KLF9: variants seen among roughly 807,000 people sequenced by gnomAD.
The protein encoded by KLF9 is KLF transcription factor 9.
KLF9 carries 2 observed loss-of-function variants against 17.3 expected under a neutral mutation model. The ratio of observed to expected loss-of-function variants is 0.12; its 90% CI spans 0.05 to 0.36. KLF9 has a LOEUF of 0.36. Ranked by LOEUF, KLF9 falls within the 10% of genes least tolerant of loss-of-function variation. The pLI, the probability that KLF9 is intolerant of heterozygous loss-of-function variation, is 1.00. For missense variants in KLF9, 226 were observed against 333.2 expected, an observed-to-expected ratio of 0.68 and a Z score of 2.51; for synonymous variants, 138 against 139.2, an observed-to-expected ratio of 0.99 and a Z score of 0.06.
In KLF9 at chr9:70,387,937, G is replaced by C; in HGVS notation, c.574C>G (p.Arg192Gly). 1 of 1,613,946 alleles carries C rather than the reference G, an allele frequency of 6.2e-7. No individual in the cohort carries two copies. The highest frequency in any genetic ancestry group is 8.5e-7 in the Non-Finnish European group (1 of 1,179,994). The change falls in exon 2 of 2, where the codon CGC (arginine) becomes GGC (glycine). Residue 192 changes from arginine to glycine, a missense_variant. Arg to Gly is a moderately radical substitution (Grantham distance 125). Transcript: ENST00000377126. The part of the protein sequence containing the change: ...KKFSRSDELT[R>G]HYRTHTGEKQ... ...TCCCCAGTGTGGGTCCGGTAGTGGC[G>C]GGTCAGCTCGTCTGAGCGGGAGAAC...
chr9:70,386,852 C>T lies in KLF9; in HGVS notation c.*924G>A, dbSNP rs1013367887. On this transcript the variant is annotated 3_prime_UTR_variant, in exon 2 of 2. Transcript: ENST00000377126. ...TTGTGTATATTCTGCCCTCACATCTCTGCCATGATTTCTTAGGGAAACGTG... is the reference window on the plus strand; with the variant it reads ...TTGTGTATATTCTGCCCTCACATCTTTGCCATGATTTCTTAGGGAAACGTG... 2.6e-5 allele frequency: 4 copies of T among 152,580 alleles called. No homozygotes were observed. The highest frequency in any genetic ancestry group is 2.6e-4 in the Admixed American group (4 of 15,282). The allele number at this position is 152,580 out of a possible 1,614,324, so 9.5% of individuals were successfully genotyped here.
chr9:70,411,477 T>C (rs2037313096), intron 1 of KLF9, among the ~76,000 whole-genome samples: 1 of 152,206 alleles, frequency 6.6e-6, no homozygotes, highest in Non-Finnish European at 1.5e-5. Context: ...TGTGCTGTTT[T>C]ATGGCAACCT....
chr9:70,410,377 T>A (rs2118929762), intron 1 of KLF9, among the ~76,000 whole-genome samples: 1 of 152,354 alleles, frequency 6.6e-6, no homozygotes, highest in Admixed American at 6.5e-5. Context: ...TTAAAGTAAC[T>A]TCCTTATGGT....
chr9:70,396,879 G>T (rs922854550), intron 1 of KLF9, among the ~76,000 whole-genome samples: 1 of 151,968 alleles, frequency 6.6e-6, no homozygotes, highest in African/African-American at 2.4e-5. Flanking sequence ...CAAATGGCTT[G>T]ATCAAGAATA....
In KLF9 at chr9:70,385,797, AAC is replaced by A. The variant is rs1395298314; in HGVS notation, c.*1977_*1978del. 1 of 152,616 alleles carries A rather than the reference AAC, an allele frequency of 6.6e-6. No individual in the cohort carries two copies. The highest frequency in any genetic ancestry group is 2.4e-5 in the African/African-American group (1 of 41,464). 9.5% of individuals were successfully genotyped at this position (152,616 alleles called of 1,614,324 possible). A position where few individuals can be genotyped will look rare whatever the true frequency, so the allele number is the denominator to read the frequency against. ...TAAAATAAGTGTTTCAAAAATCTGAAACAGAGGTAGAAAGTGTTCTTTATTTT... is the reference window on the plus strand; with the variant it reads ...TAAAATAAGTGTTTCAAAAATCTGAAAGAGGTAGAAAGTGTTCTTTATTTT... On this transcript the variant is annotated 3_prime_UTR_variant, in exon 2 of 2. Coordinates refer to ENST00000377126, the MANE Select transcript of KLF9 (RefSeq NM_001206.4).
At chr9:70,410,021 G>A (rs1359449207) in intron 1 of KLF9, among the ~76,000 whole-genome samples, 2 of 152,218 alleles carry the variant, frequency 1.3e-5, no homozygotes, top group African/African-American at 2.4e-5. Context: ...ACAAGAACCT[G>A]TGACTTGAGG....
At position 70,412,993 on chromosome 9, in the gene KLF9, A is replaced by T. The variant is rs1314756905; in HGVS notation, c.371T>A (p.Leu124His). ...RQDPGSAPSP[L>H]SLLHPGVAAK... ...AGCCACTCCAGGATGGAGGAGGGAG[A>T]GCGGGCTGGGCGCGCTGCCAGGATC... Residue 124 changes from leucine (L) to histidine (H), a missense_variant, in exon 1 of 2, where the codon CTC (leucine) becomes CAC (histidine). Leu to His is a moderately conservative substitution (Grantham distance 99). Coordinates refer to ENST00000377126, the MANE Select transcript of KLF9 (RefSeq NM_001206.4). 2 of 1,613,880 alleles carry T rather than the reference A, an allele frequency of 1.2e-6. No individual in the cohort carries two copies. Among genetic ancestry groups the T allele is most frequent in the Middle Eastern group, 3.3e-4 (2 of 6,060 alleles).
intron 1 of KLF9, among the ~76,000 whole-genome samples, chr9:70,392,847 T>C (rs2037160964): frequency 6.6e-6 from 1 of 152,116 alleles, no homozygotes; most frequent in African/African-American, 2.4e-5. Context: ...TTTAAACCTG[T>C]CTTTAGTATT....
At position 70,387,443 on chromosome 9, in the gene KLF9, C is replaced by A. The variant is rs1474936273; in HGVS notation, c.*333G>T. Reference sequence around the variant, plus strand: ...TTACCCCCCTCCCCCCCACCCACTCCCTACCCTCCCCCGCAAAAAAATAAA... The same window carrying A: ...TTACCCCCCTCCCCCCCACCCACTCACTACCCTCCCCCGCAAAAAAATAAA... On this transcript the variant is annotated 3_prime_UTR_variant, in exon 2 of 2. Coordinates refer to ENST00000377126, the MANE Select transcript of KLF9 (RefSeq NM_001206.4). 4.8e-5 allele frequency: 8 copies of A among 167,402 alleles called. No individual in the cohort carries two copies. The highest frequency in any genetic ancestry group is 2.0e-4 in the African/African-American group (8 of 39,740). 10.4% of individuals were successfully genotyped at this position (167,402 alleles called of 1,614,324 possible).
At chr9:70,394,407 T>G (rs2118910949) in intron 1 of KLF9, among the ~76,000 whole-genome samples, 1 of 152,032 alleles carries the variant, frequency 6.6e-6, no homozygotes, top group Middle Eastern at 3.4e-3. Context: ...AATAAAAGCT[T>G]TCAGGAAAAT....
At position 70,385,442 on chromosome 9, in the gene KLF9, G is replaced by T. The variant is rs905663927; in HGVS notation, c.*2334C>A. On this transcript the variant is annotated 3_prime_UTR_variant, in exon 2 of 2. Coordinates refer to ENST00000377126, the MANE Select transcript of KLF9 (RefSeq NM_001206.4). ...ACAACTTTTTTGGGAAGTAAATTGT[G>T]CATTTTTTTAAAACAAGTTGCTGCA... is the stretch of plus-strand genomic sequence containing the variant. 6.6e-6 allele frequency: 1 copy of T among 152,592 alleles called. No homozygotes were observed. Among genetic ancestry groups the T allele is most frequent in the African/African-American group, 2.4e-5 (1 of 41,448 alleles). 9.5% of individuals were successfully genotyped at this position (152,592 alleles called of 1,614,324 possible). A position where few individuals can be genotyped will look rare whatever the true frequency, so the allele number is the denominator to read the frequency against.
At chr9:70,409,034 A>ACATATATGTATATATATG (rs2037279163) in intron 1 of KLF9, among the ~76,000 whole-genome samples, 1 of 99,372 alleles carries the variant, frequency 1.0e-5, no homozygotes, top group African/African-American at 3.2e-5. Flanking sequence ...ATATATATAT[A>ACATATATGTATATATATG]TGTGTATATA....
At chr9:70,407,792 T>A (rs778257891) in intron 1 of KLF9, among the ~76,000 whole-genome samples, 9 of 152,208 alleles carry the variant, frequency 5.9e-5, no homozygotes, top group African/African-American at 9.6e-5. Context: ...TTTACCCTCT[T>A]GTCTAAAACC....
At chr9:70,394,836 A>G (rs2037173720) in intron 1 of KLF9, among the ~76,000 whole-genome samples, 1 of 152,230 alleles carries the variant, frequency 6.6e-6, no homozygotes, top group South Asian at 2.1e-4. Context: ...GCCTCAATAT[A>G]AAAGAAAATG....
At chr9:70,389,051 G>T (rs1207515919) in intron 1 of KLF9, among the ~76,000 whole-genome samples, 1 of 151,960 alleles carries the variant, frequency 6.6e-6, no homozygotes, top group Non-Finnish European at 1.5e-5. Flanking sequence ...TGAGACAGGA[G>T]AATTGCTTGA....
intron 1 of KLF9, among the ~76,000 whole-genome samples, chr9:70,391,015 C>T (rs1278353046): frequency 6.6e-6 from 1 of 152,090 alleles, no homozygotes; most frequent in Non-Finnish European, 1.5e-5. Context: ...AAGACAAAAA[C>T]TCATTAGAAG....
intron 1 of KLF9, among the ~76,000 whole-genome samples, chr9:70,397,034 T>A (rs2037185548): frequency 6.6e-6 from 1 of 152,138 alleles, no homozygotes; most frequent in Non-Finnish European, 1.5e-5. Flanking sequence ...AAAAGGAATA[T>A]ATTCCATGGG....
At chr9:70,409,193 TGTATATGTATATATA>T (rs2037291993) in intron 1 of KLF9, among the ~76,000 whole-genome samples, 1 of 59,492 alleles carries the variant, frequency 1.7e-5, no homozygotes, top group Non-Finnish European at 4.3e-5. Flanking sequence ...TACATATACA[TGTATATGTATATATA>T]TATACATATA....
rs1486771729 is a variant in KLF9, at chr9:70,384,733, C to A, written c.*3043G>T. On this transcript the variant is annotated 3_prime_UTR_variant, in exon 2 of 2. Transcript: ENST00000377126. ...AGCAAAATAACTTAGGTCACTAATA[C>A]TGTACAAAAATAAAACTGATTAAAC... 1 of 152,604 alleles carries A rather than the reference C, an allele frequency of 6.6e-6. No homozygotes were observed. The highest frequency in any genetic ancestry group is 1.5e-5 in the Non-Finnish European group (1 of 68,020). The allele number at this position is 152,604 out of a possible 1,614,324, so 9.5% of individuals were successfully genotyped here. A position where few individuals can be genotyped will look rare whatever the true frequency, so the allele number is the denominator to read the frequency against.
Sources: allele counts gnomAD v4.1 joint callset (sites outside exome capture counted in the v4.1 genomes callset), GRCh38; gene constraint gnomAD v4.1.1; transcripts MANE v1.5; gene names NCBI Gene and HGNC (gene_info 2026-07-23, HGNC 2026-07-21).